The following GRAMD4 variants were observed in gnomAD, a reference collection of about 807,000 sequenced individuals.
GRAMD4 encodes GRAM domain-containing protein 4.
In GRAMD4, 25 loss-of-function variants were observed where a neutral mutation model predicts 83.9. The ratio of observed to expected loss-of-function variants is 0.30; its 90% CI spans 0.22 to 0.42. The LOEUF is 0.42. Ranked by LOEUF, GRAMD4 falls within the 10% of genes least tolerant of loss-of-function variation. The pLI, the probability that GRAMD4 is intolerant of heterozygous loss-of-function variation, is 1.00. For missense variants in GRAMD4, 593 were observed against 788.7 expected (o/e 0.75, Z 2.97); for synonymous variants, 336 against 320.9 (o/e 1.05, Z -0.50).
upstream of GRAMD4, among the ~76,000 whole-genome samples, chr22:46,615,459 G>GTGTGTAGGTTCCCCCT (rs1432992567): frequency 1.4e-5 from 2 of 144,630 alleles, no homozygotes; most frequent in African/African-American, 5.2e-5. Flanking sequence ...CGGTTTCCCC[G>GTGTGTAGGTTCCCCCT]TGTGTAGGTT....
chr22:46,640,089 T>C (rs541269867), intron 3 of GRAMD4, among the ~76,000 whole-genome samples: 1 of 152,326 alleles, frequency 6.6e-6, no homozygotes, highest in Non-Finnish European at 1.5e-5. Context: ...GCATGGAAGG[T>C]ATGCTATTTG....
At chr22:46,591,748 G>A (rs1032894458) in intron 1 of GRAMD4, among the ~76,000 whole-genome samples, 17 of 142,570 alleles carry the variant, frequency 1.2e-4, no homozygotes, top group African/African-American at 4.2e-4. Flanking sequence ...CACGAGAATC[G>A]TTTGAACTCG....
rs143863109 is a variant in GRAMD4, at chr22:46,601,131, G to A, written c.-50+23841G>A. ...TGCACTCCAGCCTGGGTGACAGAGC[G>A]AGACTCTGTCTCAAAGAAAAAAAAA... is the stretch of plus-strand genomic sequence containing the variant. On this transcript the variant is annotated intron_variant, in intron 1 of 1. Transcript: ENST00000431155. Among the ~76,000 whole-genome samples, 454 of 151,274 alleles carry A rather than the reference G, an allele frequency of 3.0e-3. 3 individuals carry two copies. The highest frequency in any genetic ancestry group is 0.011 in the African/African-American group (442 of 41,212).
At chr22:46,665,854 A>T (rs2082400743) in intron 9 of GRAMD4, 148 bp downstream of exon 9, 5 of 602,024 alleles carry the variant, frequency 8.3e-6, no homozygotes, top group Non-Finnish European at 1.2e-5. Flanking sequence ...GAGACCCCCC[A>T]GGCAGGGCGG....
intron 1 of GRAMD4, among the ~76,000 whole-genome samples, chr22:46,588,907 G>C (rs573335867): frequency 1.3e-5 from 2 of 152,252 alleles, no homozygotes; most frequent in Admixed American, 6.5e-5. Flanking sequence ...GCCTCTGCCA[G>C]CGTCTCCCCA....
intron 1 of GRAMD4, among the ~76,000 whole-genome samples, chr22:46,615,004 G>C (rs1220646413): frequency 3.3e-5 from 4 of 119,904 alleles, no homozygotes; most frequent in Non-Finnish European, 7.1e-5. Context: ...CCCGTGTGTA[G>C]GTTCCCCTGT....
intron 3 of GRAMD4, among the ~76,000 whole-genome samples, chr22:46,646,321 C>T (rs1184392820): frequency 6.6e-6 from 1 of 152,240 alleles, no homozygotes; most frequent in East Asian, 1.9e-4. Flanking sequence ...CAGAAGCTCC[C>T]TTTCCTGCTG....
At chr22:46,628,487 TGCGTTG>T (rs1399466759) in intron 2 of GRAMD4, among the ~76,000 whole-genome samples, 2 of 40,232 alleles carry the variant, frequency 5.0e-5, no homozygotes, top group African/African-American at 2.6e-4. Context: ...GTGGACTGAG[TGCGTTG>T]GTGTCTGAGG....
chr22:46,664,230 C>T, intron 8 of GRAMD4, 113 bp downstream of exon 8: 1 of 762,738 alleles, frequency 1.3e-6, no homozygotes, highest in Non-Finnish European at 2.4e-6. Flanking sequence ...GGCACTTCCT[C>T]AGGCCCCAGG....
intron 2 of GRAMD4, among the ~76,000 whole-genome samples, chr22:46,631,053 G>A (rs1320161857): frequency 6.6e-6 from 1 of 152,250 alleles, no homozygotes; most frequent in African/African-American, 2.4e-5. Context: ...GGGGCAAGAC[G>A]GCAGTGCCGA....
intron 17 of GRAMD4, 25 bp downstream of exon 17, chr22:46,675,577 T>TAAC (rs1569309059): frequency 7.0e-7 from 1 of 1,432,328 alleles, no homozygotes; most frequent in Non-Finnish European, 9.9e-7. Flanking sequence ...CCACCCCCAC[T>TAAC]AACCCCCGTG....
intron 1 of GRAMD4, among the ~76,000 whole-genome samples, chr22:46,577,768 C>T (rs975106568): frequency 5.9e-5 from 9 of 152,212 alleles, no homozygotes; most frequent in Non-Finnish European, 1.0e-4. Flanking sequence ...GGCGCTTGTC[C>T]CCTCCGTGCA....
In GRAMD4 at chr22:46,648,811, G is replaced by C. The variant is rs923216880; in HGVS notation, c.284-9376G>C. On this transcript the variant is annotated intron_variant, in intron 3 of 18. Coordinates refer to ENST00000406902, the MANE Select transcript of GRAMD4 (RefSeq NM_015124.5). Reference sequence around the variant, plus strand: ...GGATGGATGGATGGATGCATGGATGGATGGATGGATGGATGGATGGATGGA... The same window carrying C: ...GGATGGATGGATGGATGCATGGATGCATGGATGGATGGATGGATGGATGGA... Among the ~76,000 whole-genome samples, 89 of 128,794 alleles carry C rather than the reference G, an allele frequency of 6.9e-4. 3 individuals carry two copies. The highest frequency in any genetic ancestry group is 3.1e-3 in the East Asian group (13 of 4,136). The allele number at this position is 128,794 out of a possible 152,430, so 84.5% of individuals were successfully genotyped here. A position where few individuals can be genotyped will look rare whatever the true frequency, so the allele number is the denominator to read the frequency against.
At chr22:46,584,077 G>A (rs528582303) in intron 1 of GRAMD4, among the ~76,000 whole-genome samples, 205 of 152,066 alleles carry the variant, frequency 1.3e-3, no homozygotes, top group Non-Finnish European at 1.9e-3. Context: ...TTGCTCACTC[G>A]TTCCAGTGCT....
upstream of GRAMD4, chr22:46,620,311 C>T (rs1364287064): frequency 1.3e-5 from 13 of 985,620 alleles, no homozygotes; most frequent in African/African-American, 7.0e-5. This position sits in a 1 kb window ranked among gnomAD's most constrained non-coding sequence, Gnocchi z 4.7. Flanking sequence ...GGAGCCTGGC[C>T]GGGCGCCGCC....
At chr22:46,681,650 G>A (rs1207054335), downstream of GRAMD4, among the ~76,000 whole-genome samples, 1 of 152,224 alleles carries the variant, frequency 6.6e-6, no homozygotes, top group Non-Finnish European at 1.5e-5. Context: ...AATCAGAAGA[G>A]GGGTCACCCA....
rs894772055 is a variant in GRAMD4, at chr22:46,676,490, G to T, written c.1564-110G>T. On this transcript the variant is annotated intron_variant, in intron 17 of 18. Coordinates refer to ENST00000406902, the MANE Select transcript of GRAMD4 (RefSeq NM_015124.5). ...TGTTTGGAAGTCCCAGGTGCCCGTG[G>T]GCCCTGCTGCCTGTGTGCCCAGTGG... 2.9e-4 allele frequency: 263 copies of T among 899,060 alleles called. 3 individuals carry two copies. The Middle Eastern group carries it at 4.6e-3, about 16-fold the overall frequency. The allele number at this position is 899,060 out of a possible 1,614,324, so 55.7% of individuals were successfully genotyped here. A position where few individuals can be genotyped will look rare whatever the true frequency, so the allele number is the denominator to read the frequency against.
At chr22:46,667,186 C>A (rs943373432) in intron 10 of GRAMD4, among the ~76,000 whole-genome samples, 1 of 152,186 alleles carries the variant, frequency 6.6e-6, no homozygotes, top group African/African-American at 2.4e-5. Context: ...GCTGCTGTAG[C>A]CCCCACAACC....
At chr22:46,612,718 C>G (rs916425902) in intron 1 of GRAMD4, among the ~76,000 whole-genome samples, 1 of 152,250 alleles carries the variant, frequency 6.6e-6, no homozygotes, top group African/African-American at 2.4e-5. Flanking sequence ...GAACCTTACT[C>G]TCAACCCTTT....
Sources: allele counts gnomAD v4.1 joint callset (sites outside exome capture counted in the v4.1 genomes callset), GRCh38; gene constraint gnomAD v4.1.1; non-coding constraint Gnocchi (gnomAD v3.1); transcripts MANE v1.5; gene names NCBI Gene and HGNC (gene_info 2026-07-23, HGNC 2026-07-21).